KPNA1: variants seen among roughly 807,000 people sequenced by gnomAD.
KPNA1 encodes the protein karyopherin subunit alpha 1, also known as importin subunit alpha-5.
A neutral mutation model predicts 70.5 loss-of-function variants in KPNA1; 10 were observed. The ratio of observed to expected loss-of-function variants is 0.14; its 90% confidence interval spans 0.09 to 0.24. The LOEUF is 0.24. Ranked by LOEUF, KPNA1 falls within the 10% of genes least tolerant of loss-of-function variation. The pLI is 1.00. For missense variants in KPNA1, 397 were observed against 637.9 expected (o/e 0.62, Z 4.07); for synonymous variants, 192 against 221.9 (o/e 0.87, Z 1.20).
At chr3:122,432,223 C>G (rs1309253236) in intron 12 of KPNA1, among the ~76,000 whole-genome samples, 2 of 152,206 alleles carry the variant, frequency 1.3e-5, no homozygotes, top group African/African-American at 2.4e-5. Context: ...TTTTTACCAT[C>G]TGGTGACAGC....
chr3:122,486,734 C>A (rs2076633938), intron 2 of KPNA1, among the ~76,000 whole-genome samples: 1 of 151,850 alleles, frequency 6.6e-6, no homozygotes, highest in South Asian at 2.1e-4. Context: ...ACTACAGGCA[C>A]CGCCACCACG....
chr3:122,507,527 A>T (rs902532103), intron 1 of KPNA1, among the ~76,000 whole-genome samples: 1 of 152,106 alleles, frequency 6.6e-6, no homozygotes, highest in African/African-American at 2.4e-5. Context: ...TTTCTGTGAT[A>T]AGCAATATAC....
At chr3:122,448,667 A>G (rs2076166947) in intron 9 of KPNA1, among the ~76,000 whole-genome samples, 1 of 152,156 alleles carries the variant, frequency 6.6e-6, no homozygotes, top group African/African-American at 2.4e-5. Context: ...TGGTGCAGCA[A>G]ATCAACATGG....
chr3:122,431,430 TACAGACATG>T (rs1357492643), intron 12 of KPNA1, among the ~76,000 whole-genome samples: 3 of 152,190 alleles, frequency 2.0e-5, no homozygotes, highest in Admixed American at 2.0e-4. Context: ...GTGCTGGAAT[TACAGACATG>T]AGCCACCACA....
intron 12 of KPNA1, 73 bp downstream of exon 12, chr3:122,433,587 TG>T: frequency 8.1e-7 from 1 of 1,236,188 alleles, no homozygotes. Context: ...AGGTAATATG[TG>T]GGAGGTTATA....
intron 12 of KPNA1, among the ~76,000 whole-genome samples, chr3:122,430,742 G>A (rs1245222494): frequency 6.6e-6 from 1 of 152,138 alleles, no homozygotes; most frequent in East Asian, 1.9e-4. Context: ...AATGGAGAAA[G>A]GATTCCACCT....
At chr3:122,507,030 G>A (rs1455871517) in intron 1 of KPNA1, among the ~76,000 whole-genome samples, 1 of 152,190 alleles carries the variant, frequency 6.6e-6, no homozygotes, top group Non-Finnish European at 1.5e-5. Context: ...TTGGTTAAAG[G>A]AAATGTTCAC....
chr3:122,477,068 C>A (rs903544603), intron 2 of KPNA1, among the ~76,000 whole-genome samples: 47 of 152,034 alleles, frequency 3.1e-4, no homozygotes, highest in African/African-American at 9.9e-4. Flanking sequence ...AAAGTGTGGT[C>A]TATATATACA....
intron 3 of KPNA1, among the ~76,000 whole-genome samples, chr3:122,466,992 C>G (rs535048924): frequency 1.2e-4 from 18 of 147,040 alleles, no homozygotes; most frequent in East Asian, 2.0e-4. Context: ...CACAGCAAGA[C>G]CCTGTCTCTA....
intron 5 of KPNA1, chr3:122,459,405 CT>C: frequency 1.0e-6 from 1 of 985,020 alleles, no homozygotes; most frequent in Non-Finnish European, 1.2e-6. Context: ...GAAAGAAACA[CT>C]TTTTTCAGCA....
At chr3:122,507,478 T>C (rs1020485177) in intron 1 of KPNA1, among the ~76,000 whole-genome samples, 23 of 151,078 alleles carry the variant, frequency 1.5e-4, no homozygotes, top group Non-Finnish European at 2.7e-4. Flanking sequence ...TATCAGCATA[T>C]AAAATTTGAA....
At chr3:122,471,799 A>G (rs967153034) in intron 2 of KPNA1, among the ~76,000 whole-genome samples, 17 of 152,268 alleles carry the variant, frequency 1.1e-4, no homozygotes, top group African/African-American at 4.1e-4. Flanking sequence ...TCTCAAAAAA[A>G]GAAAGCGGAG....
rs1242971741 is a variant in KPNA1, at chr3:122,422,588, G to A, written c.*4397C>T. 6.6e-6 allele frequency: 1 copy of A among 152,196 alleles called. No homozygotes were observed. The highest frequency in any genetic ancestry group is 2.4e-5 in the African/African-American group (1 of 41,428). The allele number at this position is 152,196 out of a possible 1,614,324, so 9.4% of individuals were successfully genotyped here. ...CCAAGTCTAGTTCTGGGAGATCCTG[G>A]GCACGGAACTACTGCGTGGCCACTG... is the stretch of plus-strand genomic sequence containing the variant. On this transcript the variant is annotated 3_prime_UTR_variant, in exon 14 of 14. Coordinates refer to ENST00000344337, the MANE Select transcript of KPNA1 (RefSeq NM_002264.4).
intron 2 of KPNA1, among the ~76,000 whole-genome samples, chr3:122,470,348 T>C (rs2076427091): frequency 6.6e-6 from 1 of 151,748 alleles, no homozygotes. Context: ...CCATCTCTAC[T>C]AAAAATACAA....
intron 11 of KPNA1, among the ~76,000 whole-genome samples, chr3:122,436,607 A>G (rs536467615): frequency 6.6e-6 from 1 of 152,166 alleles, no homozygotes; most frequent in African/African-American, 2.4e-5. Flanking sequence ...CCTGATAACT[A>G]TTTCTTGGGT....
intron 6 of KPNA1, among the ~76,000 whole-genome samples, chr3:122,452,533 G>A (rs1420412175): frequency 3.1e-4 from 13 of 41,572 alleles, no homozygotes; most frequent in African/African-American, 4.7e-4. Flanking sequence ...AGGGAAGGAG[G>A]GAAGGAGGGA....
At chr3:122,503,292 T>C (rs2076851497) in intron 1 of KPNA1, among the ~76,000 whole-genome samples, 1 of 151,750 alleles carries the variant, frequency 6.6e-6, no homozygotes, top group African/African-American at 2.4e-5. Flanking sequence ...GAATAAATGA[T>C]AAATAAGGCA....
rs34738974 is a variant in KPNA1, at chr3:122,422,345, C to CAAAAAAAAAAAAAAAAAAAAA, written c.*4639_*4640insTTTTTTTTTTTTTTTTTTTTT. The CAAAAAAAAAAAAAAAAAAAAA allele has an allele frequency of 1.0e-5, 1 of 98,918 alleles. No homozygotes were observed. Among genetic ancestry groups the CAAAAAAAAAAAAAAAAAAAAA allele is most frequent in the Non-Finnish European group, 2.2e-5 (1 of 45,872 alleles). 6.1% of individuals were successfully genotyped at this position (98,918 alleles called of 1,614,324 possible). ...TTTACTAAACACAAAATCATTTGCA[C>CAAAAAAAAAAAAAAAAAAAAA]AAAAAAAAAAAAAAAAAAAACCTAT... is the stretch of plus-strand genomic sequence containing the variant. On this transcript the variant is annotated 3_prime_UTR_variant, in exon 14 of 14. Coordinates refer to ENST00000344337, the MANE Select transcript of KPNA1 (RefSeq NM_002264.4).
At chr3:122,481,390 C>A (rs948917137) in intron 2 of KPNA1, among the ~76,000 whole-genome samples, 1 of 152,194 alleles carries the variant, frequency 6.6e-6, no homozygotes, top group Non-Finnish European at 1.5e-5. Flanking sequence ...ATCTTTAACA[C>A]ACTCTACTAA....
Sources: gnomAD v4.1 joint callset for allele counts (sites outside exome capture counted in the v4.1 genomes callset) on GRCh38, gnomAD v4.1.1 for gene constraint, MANE v1.5 for transcripts, NCBI Gene and HGNC (gene_info 2026-07-23, HGNC 2026-07-21) for gene names.